EDN3: variants seen among roughly 807,000 people sequenced by gnomAD.
EDN3 encodes the protein endothelin-3.
Under a neutral mutation model 21.4 loss-of-function variants are expected in EDN3, and 9 were observed. The observed-to-expected ratio is 0.42, with a 90% CI of 0.25 to 0.73. The LOEUF (loss-of-function observed/expected upper bound fraction) is 0.73. Ranked by LOEUF, EDN3 falls within the 30% of genes least tolerant of loss-of-function variation. The probability of loss-of-function intolerance (pLI) is 0.26; values close to 1 mark genes in which losing one functional copy is unlikely to be tolerated. For synonymous variants in EDN3, 133 were observed against 126.2 expected (o/e 1.05, Z -0.36); for missense variants, 327 against 309.4 (o/e 1.06, Z -0.43).
In EDN3 at chr20:59,301,471, T is replaced by G; in HGVS notation, c.114T>G (p.Thr38=). The G allele has an allele frequency of 6.2e-7, 1 of 1,613,486 alleles. No homozygotes were observed. The highest frequency in any genetic ancestry group is 8.5e-7 in the Non-Finnish European group (1 of 1,179,994). ...AGRRGVSQAP[T]AARSEGDCEE... ...GGCGCGGCGTGTCCCAGGCCCCCAC[T>G]GCAGCCAGATCTGAGGGGGACTGTG... The change falls in exon 2 of 5, where the codon ACT becomes ACG. Residue 38 remains threonine, a synonymous_variant. Transcript: ENST00000337938.
chr20:59,316,857 G>T (rs190344186), intron 2 of EDN3, among the ~76,000 whole-genome samples: 8 of 152,350 alleles, frequency 5.3e-5, no homozygotes, highest in Admixed American at 2.0e-4. Flanking sequence ...CAACACCAGA[G>T]ATTGCGTATG....
At chr20:59,303,707 A>G (rs1440054616) in intron 2 of EDN3, among the ~76,000 whole-genome samples, 2 of 152,152 alleles carry the variant, frequency 1.3e-5, no homozygotes, top group Non-Finnish European at 2.9e-5. Flanking sequence ...ATTCTGTCTC[A>G]TGCATCCTGC....
At chr20:59,318,944 C>T in intron 2 of EDN3, among the ~76,000 whole-genome samples, 1 of 152,208 alleles carries the variant, frequency 6.6e-6, no homozygotes, top group East Asian at 1.9e-4. Flanking sequence ...AATGTCAACA[C>T]TCAGAGATTT....
chr20:59,307,851 AT>A (rs35394805), intron 2 of EDN3, among the ~76,000 whole-genome samples: 21,084 of 143,574 alleles, frequency 0.15, 1,768 homozygotes, highest in Middle Eastern at 0.26. Flanking sequence ...TAATTTAGTA[AT>A]TTTTTTTTTT....
At chr20:59,301,770 A>G in intron 2 of EDN3, 48 bp downstream of exon 2, 1 of 1,595,372 alleles carries the variant, frequency 6.3e-7, no homozygotes, top group Non-Finnish European at 8.6e-7. Context: ...GACCAGGCCC[A>G]CATCTGCTCA....
intron 2 of EDN3, among the ~76,000 whole-genome samples, chr20:59,319,294 G>T (rs754549157): frequency 3.3e-5 from 5 of 152,162 alleles, no homozygotes; most frequent in Non-Finnish European, 7.4e-5. Context: ...AGGCGGGGGC[G>T]GGGGACTCCC....
At chr20:59,312,055 A>G (rs1251193172) in intron 2 of EDN3, among the ~76,000 whole-genome samples, 1 of 151,998 alleles carries the variant, frequency 6.6e-6, no homozygotes, top group Non-Finnish European at 1.5e-5. Flanking sequence ...ATCCCTTTGC[A>G]CATAACCCCA....
intron 2 of EDN3, among the ~76,000 whole-genome samples, chr20:59,308,546 C>A (rs73145239): frequency 0.014 from 2,111 of 152,276 alleles, 35 homozygotes; most frequent in Non-Finnish European, 0.018. Context: ...TCTGGATCTG[C>A]CACTTAGGAG....
chr20:59,307,686 G>T (rs968593611), intron 2 of EDN3, among the ~76,000 whole-genome samples: 1 of 152,096 alleles, frequency 6.6e-6, no homozygotes, highest in African/African-American at 2.4e-5. Flanking sequence ...GGGTGGTTTT[G>T]TTCTTTTTGA....
intron 2 of EDN3, among the ~76,000 whole-genome samples, chr20:59,310,100 A>G (rs901760098): frequency 3.3e-5 from 5 of 152,208 alleles, no homozygotes; most frequent in African/African-American, 1.2e-4. Flanking sequence ...TGTTCCTGCA[A>G]GAATTTAAAA....
At chr20:59,301,158 A>G (rs1286980854) in intron 1 of EDN3, among the ~76,000 whole-genome samples, 1 of 152,272 alleles carries the variant, frequency 6.6e-6, no homozygotes, top group Non-Finnish European at 1.5e-5. Flanking sequence ...AACTATTCAG[A>G]GGCTGTGCCA....
At chr20:59,306,051 GAGCTGTGAA>G (rs1331093891) in intron 2 of EDN3, among the ~76,000 whole-genome samples, 1 of 152,084 alleles carries the variant, frequency 6.6e-6, no homozygotes, top group Admixed American at 6.6e-5. Flanking sequence ...ATGGCTGACT[GAGCTGTGAA>G]GCACCCAGCA....
In EDN3 at chr20:59,322,390, A is replaced by G. The variant is rs959271305; in HGVS notation, c.561A>G (p.Glu187=). The change falls in exon 4 of 5, where the codon GAA becomes GAG. Residue 187 remains glutamate (E), a synonymous_variant. Coordinates refer to ENST00000337938, the MANE Select transcript of EDN3 (RefSeq NM_207034.3). This position sits in a 1 kb window ranked among gnomAD's most constrained non-coding sequence, Gnocchi z 4.1. ...LDVSSNSRTA[E]KTDKEEEGKV... is the part of the protein sequence containing the mutation. ...CCCACAGTAATTCAAGGACGGCAGA[A>G]AAAACAGACAAAGAAGAGGAAGGGA... 3.1e-6 allele frequency: 5 copies of G among 1,614,244 alleles called. No individual in the cohort carries two copies. The East Asian group carries it at 1.1e-4, about 36-fold the overall frequency.
At chr20:59,304,380 G>C (rs745416374) in intron 2 of EDN3, among the ~76,000 whole-genome samples, 1 of 152,086 alleles carries the variant, frequency 6.6e-6, no homozygotes, top group East Asian at 1.9e-4. Flanking sequence ...CTGCTGTCAC[G>C]CCCTCTTCAT....
At chr20:59,323,384 C>A (rs1990663292) in intron 4 of EDN3, among the ~76,000 whole-genome samples, 1 of 152,164 alleles carries the variant, frequency 6.6e-6, no homozygotes, top group Admixed American at 6.5e-5. Flanking sequence ...GTAATTAAAC[C>A]CATCCATCCA....
At position 59,301,565 on chromosome 20, in the gene EDN3, G is replaced by A. The variant is rs369429604; in HGVS notation, c.208G>A (p.Ala70Thr). 87 of 1,613,768 alleles carry A rather than the reference G, an allele frequency of 5.4e-5. No individual in the cohort carries two copies. In the African/African-American group the frequency reaches 9.6e-4, roughly 18 times the overall value. ...TGGCGAGGGGACTGTGGCCCCGACAGCACTGCAGGGTCCAAGCCCTGGAAG... is the reference window on the plus strand; with the variant it reads ...TGGCGAGGGGACTGTGGCCCCGACAACACTGCAGGGTCCAAGCCCTGGAAG... The part of the protein sequence containing the change: ...GPGEGTVAPT[A>T]LQGPSPGSPG... The change falls in exon 2 of 5, where the codon GCA (alanine) becomes ACA (threonine). Residue 70 changes from alanine (A) to threonine (T), a missense_variant. Transcript: ENST00000337938.
At chr20:59,313,128 T>C (rs1568835794) in intron 2 of EDN3, among the ~76,000 whole-genome samples, 1 of 152,218 alleles carries the variant, frequency 6.6e-6, no homozygotes, top group African/African-American at 2.4e-5. Context: ...TAGAGATCCA[T>C]TGAGTCAGCC....
rs1020238515 is a variant in EDN3 at position 59,322,194 on chromosome 20, C to T, written c.543-178C>T. ...AAGTGAGTGGTGAGTATATTCTGTA[C>T]TTTGGTAGAAATCCACCCACCGAGT... is the stretch of plus-strand genomic sequence containing the variant. On this transcript the variant is annotated intron_variant, in intron 3 of 4. Coordinates refer to ENST00000337938, the MANE Select transcript of EDN3 (RefSeq NM_207034.3). The surrounding 1 kb of genome is among the most constrained non-coding windows in gnomAD (Gnocchi z 4.1). 6.6e-6 allele frequency among the ~76,000 whole-genome samples: 1 copy of T among 152,130 alleles called. No individual in the cohort carries two copies. Among genetic ancestry groups the T allele is most frequent in the African/African-American group, 2.4e-5 (1 of 41,412 alleles).
Position 59,322,549 on chromosome 20 carries a change from G to T in EDN3, c.588+132G>T. ...CCAGTGGGAACCCCAGATCTCATGG[G>T]ATGCTGCACCCACAAGCAATGGTGC... is the stretch of plus-strand genomic sequence containing the variant. On this transcript the variant is annotated intron_variant, in intron 4 of 4. Coordinates refer to ENST00000337938, the MANE Select transcript of EDN3 (RefSeq NM_207034.3). This position sits in a 1 kb window ranked among gnomAD's most constrained non-coding sequence, Gnocchi z 4.1. 8.1e-7 allele frequency: 1 copy of T among 1,231,402 alleles called. No homozygotes were observed. The highest frequency in any genetic ancestry group is 2.5e-5 in the East Asian group (1 of 40,652). The allele number at this position is 1,231,402 out of a possible 1,614,324, so 76.3% of individuals were successfully genotyped here. A position where few individuals can be genotyped will look rare whatever the true frequency, so the allele number is the denominator to read the frequency against.
Sources: allele counts gnomAD v4.1 joint callset (sites outside exome capture counted in the v4.1 genomes callset), GRCh38; gene constraint gnomAD v4.1.1; non-coding constraint Gnocchi (gnomAD v3.1); transcripts MANE v1.5; gene names NCBI Gene and HGNC (gene_info 2026-07-23, HGNC 2026-07-21).